Variants in FBXL17 observed in about 807,000 individuals in gnomAD.
The protein encoded by FBXL17 is F-box/LRR-repeat protein 17.
Under a neutral mutation model 66.2 loss-of-function variants are expected in FBXL17, and 22 were observed. The observed-to-expected ratio is 0.33, with a 90% CI of 0.24 to 0.47. FBXL17 has a LOEUF of 0.47. Among genes scored for constraint, FBXL17 ranks in the 20% least tolerant of loss-of-function variants. The probability of loss-of-function intolerance (pLI) is 1.00; values close to 1 mark genes in which losing one functional copy is unlikely to be tolerated. For synonymous variants in FBXL17, 474 were observed against 400.5 expected (o/e 1.18, Z -2.19); for missense variants, 878 against 948.2 (o/e 0.93, Z 0.97).
chr5:107,938,640 G>T (rs145965853), intron 7 of FBXL17, among the ~76,000 whole-genome samples: 40 of 152,192 alleles, frequency 2.6e-4, no homozygotes, highest in Middle Eastern at 3.4e-3. Flanking sequence ...AAGTCAGTAG[G>T]TGACTAAGGC....
At chr5:107,953,368 A>C (rs1455453580) in intron 7 of FBXL17, among the ~76,000 whole-genome samples, 1 of 142,388 alleles carries the variant, frequency 7.0e-6, no homozygotes, top group Non-Finnish European at 1.5e-5. Flanking sequence ...TCACCACTGC[A>C]CTCCAGCCTG....
intron 6 of FBXL17, among the ~76,000 whole-genome samples, chr5:108,049,773 A>T (rs191900657): frequency 0.012 from 1,855 of 152,356 alleles, 44 homozygotes; most frequent in African/African-American, 0.042. Context: ...AAATGCTCCA[A>T]TTAAAAGACA....
intron 4 of FBXL17, among the ~76,000 whole-genome samples, chr5:108,337,559 C>T (rs562203982): frequency 6.6e-6 from 1 of 151,922 alleles, no homozygotes; most frequent in South Asian, 2.1e-4. Flanking sequence ...TAACTAAATA[C>T]AGGAAGCTGA....
intron 7 of FBXL17, among the ~76,000 whole-genome samples, chr5:107,929,677 A>T (rs1750663244): frequency 6.6e-6 from 1 of 152,102 alleles, no homozygotes; most frequent in African/African-American, 2.4e-5. Context: ...ATATCTGCTG[A>T]TGTATCCAGA....
chr5:107,899,152 G>C (rs1749482700), intron 7 of FBXL17, among the ~76,000 whole-genome samples: 1 of 152,078 alleles, frequency 6.6e-6, no homozygotes, highest in Non-Finnish European at 1.5e-5. Flanking sequence ...ACTTTTTAAT[G>C]ATCGCCATTC....
chr5:108,374,837 AAAAC>A (rs2112631287), intron 1 of FBXL17, among the ~76,000 whole-genome samples: 1 of 152,292 alleles, frequency 6.6e-6, no homozygotes, highest in East Asian at 1.9e-4. Context: ...GAAATTAATG[AAAAC>A]AAACACATAT....
chr5:108,012,991 G>A (rs1279374674), intron 7 of FBXL17, among the ~76,000 whole-genome samples: 1 of 128,710 alleles, frequency 7.8e-6, no homozygotes, highest in Non-Finnish European at 1.5e-5. Flanking sequence ...TCCAGTCTGG[G>A]TAACAAGAGC....
intron 6 of FBXL17, among the ~76,000 whole-genome samples, chr5:108,143,009 T>C (rs1210409337): frequency 1.4e-5 from 1 of 73,902 alleles, no homozygotes; most frequent in African/African-American, 4.2e-5. Flanking sequence ...AATAAAAGAT[T>C]CTCACAGGAG....
chr5:108,055,559 A>C (rs558737820), intron 6 of FBXL17, among the ~76,000 whole-genome samples: 152 of 145,508 alleles, frequency 1.0e-3, no homozygotes, highest in African/African-American at 3.8e-3. Context: ...CAGTGAGCCA[A>C]GATTGTGCCA....
chr5:108,200,653 G>T (rs962243196), intron 5 of FBXL17, among the ~76,000 whole-genome samples: 5 of 149,764 alleles, frequency 3.3e-5, no homozygotes, highest in Non-Finnish European at 7.4e-5. Context: ...TTCCTCTGGT[G>T]AATGTAACAG....
intron 5 of FBXL17, among the ~76,000 whole-genome samples, chr5:108,189,142 G>C (rs929062652): frequency 1.3e-5 from 2 of 152,160 alleles, no homozygotes; most frequent in Non-Finnish European, 2.9e-5. Flanking sequence ...CAACTCACTA[G>C]TTCTGTGGGT....
At chr5:108,118,164 A>C (rs1750338076) in intron 6 of FBXL17, among the ~76,000 whole-genome samples, 1 of 151,768 alleles carries the variant, frequency 6.6e-6, no homozygotes, top group South Asian at 2.1e-4. Context: ...TCTTCTTAAA[A>C]CTCCATGCAT....
At chr5:108,306,807 A>G (rs1421664103) in intron 4 of FBXL17, among the ~76,000 whole-genome samples, 1 of 151,990 alleles carries the variant, frequency 6.6e-6, no homozygotes, top group Non-Finnish European at 1.5e-5. Context: ...CTGAACCTTC[A>G]TATTCTCTCT....
intron 6 of FBXL17, among the ~76,000 whole-genome samples, chr5:108,066,723 T>A (rs1224503668): frequency 2.0e-5 from 3 of 151,980 alleles, no homozygotes. Context: ...TAAACTTACA[T>A]ATTTTCACAA....
At chr5:108,325,104 T>C (rs1321402162) in intron 4 of FBXL17, among the ~76,000 whole-genome samples, 3 of 151,882 alleles carry the variant, frequency 2.0e-5, no homozygotes, top group African/African-American at 4.8e-5. Flanking sequence ...ATAACGAGAG[T>C]TTTGGAGACT....
At position 108,105,926 on chromosome 5, in the gene FBXL17, A is replaced by G. The variant is rs147293907; in HGVS notation, c.1745+80191T>C. ...TAAAACGGAGGGAGACTGAAAAGGA[A>G]CAGGAGGAAGAATCTGATCTTCTAA... On this transcript the variant is annotated intron_variant, in intron 6 of 8. Transcript: ENST00000542267. Among the ~76,000 whole-genome samples the G allele has an allele frequency of 6.6e-3, 1,012 of 152,318 alleles. 12 individuals are homozygous for G. The highest frequency in any genetic ancestry group is 0.024 in the African/African-American group (980 of 41,566).
At chr5:108,321,865 G>A (rs1759635487) in intron 4 of FBXL17, among the ~76,000 whole-genome samples, 1 of 151,786 alleles carries the variant, frequency 6.6e-6, no homozygotes, top group Non-Finnish European at 1.5e-5. Flanking sequence ...GAAGGTAGAA[G>A]AAAAAGATTA....
At chr5:107,939,684 A>G (rs1751031615) in intron 7 of FBXL17, among the ~76,000 whole-genome samples, 1 of 152,148 alleles carries the variant, frequency 6.6e-6, no homozygotes, top group South Asian at 2.1e-4. Context: ...GTATAGAATA[A>G]TTCTGTGCAT....
chr5:107,980,879 C>G (rs958605033), intron 7 of FBXL17, among the ~76,000 whole-genome samples: 1 of 148,944 alleles, frequency 6.7e-6, no homozygotes, highest in African/African-American at 2.5e-5. Flanking sequence ...CTCCTGACCT[C>G]GTGATCCGCC....
Sources: gnomAD v4.1 joint callset for allele counts (sites outside exome capture counted in the v4.1 genomes callset) on GRCh38, gnomAD v4.1.1 for gene constraint, MANE v1.5 for transcripts, NCBI Gene and HGNC (gene_info 2026-07-23, HGNC 2026-07-21) for gene names.